The following MAN1C1 variants were observed in gnomAD, a reference collection of about 807,000 sequenced individuals.
MAN1C1 encodes mannosidase alpha class 1C member 1, also known as mannosyl-oligosaccharide 1,2-alpha-mannosidase IC.
Under a neutral mutation model 71.5 loss-of-function variants are expected in MAN1C1, and 49 were observed. The observed-to-expected ratio is 0.69, with a 90% CI of 0.54 to 0.87. MAN1C1 has a LOEUF of 0.87. MAN1C1 is among the 40% of genes least tolerant of loss of function. The probability of loss-of-function intolerance (pLI) is 0.00; values close to 1 mark genes in which losing one functional copy is unlikely to be tolerated. For synonymous variants in MAN1C1, 352 were observed against 343.7 expected (o/e 1.02, Z -0.27); for missense variants, 743 against 835.0 (o/e 0.89, Z 1.36).
intron 7 of MAN1C1, among the ~76,000 whole-genome samples, chr1:25,768,448 C>T (rs1374574141): frequency 2.2e-5 from 3 of 133,862 alleles, no homozygotes; most frequent in East Asian, 2.5e-4. Context: ...CCCTCACACA[C>T]ATCCACACTC....
At chr1:25,661,911 C>G (rs771091154) in intron 1 of MAN1C1, among the ~76,000 whole-genome samples, 1 of 152,178 alleles carries the variant, frequency 6.6e-6, no homozygotes, top group Non-Finnish European at 1.5e-5. Flanking sequence ...GCTCTATAAA[C>G]TGTAAAGCCA....
At chr1:25,756,510 C>A (rs1311640739) in intron 5 of MAN1C1, among the ~76,000 whole-genome samples, 1 of 152,188 alleles carries the variant, frequency 6.6e-6, no homozygotes, top group East Asian at 1.9e-4. Context: ...CTTTTTCCTA[C>A]CTTAAACTTC....
chr1:25,622,375 T>A (rs2045227914), intron 1 of MAN1C1, among the ~76,000 whole-genome samples: 1 of 152,254 alleles, frequency 6.6e-6, no homozygotes, highest in South Asian at 2.1e-4. Context: ...TGTTTGTTTA[T>A]GGATCTGCCC....
chr1:25,630,668 C>G (rs907880564), intron 1 of MAN1C1, among the ~76,000 whole-genome samples: 9 of 152,014 alleles, frequency 5.9e-5, no homozygotes, highest in Non-Finnish European at 1.2e-4. Context: ...ATTTTTGCAG[C>G]TGTTGTAAAA....
At chr1:25,771,428 G>T (rs1004050262) in intron 7 of MAN1C1, among the ~76,000 whole-genome samples, 1 of 152,150 alleles carries the variant, frequency 6.6e-6, no homozygotes, top group Admixed American at 6.5e-5. Context: ...GGATGAGCCC[G>T]TGCACTTTTG....
At chr1:25,718,382 A>T (rs1444072019) in intron 2 of MAN1C1, among the ~76,000 whole-genome samples, 4 of 152,124 alleles carry the variant, frequency 2.6e-5, no homozygotes, top group South Asian at 2.1e-4. Flanking sequence ...TGCCTGCTGC[A>T]CAGCTGCTGT....
At chr1:25,739,833 C>CAA (rs1349061759) in intron 2 of MAN1C1, among the ~76,000 whole-genome samples, 2 of 152,188 alleles carry the variant, frequency 1.3e-5, no homozygotes, top group Non-Finnish European at 2.9e-5. Context: ...GTAGTCACCA[C>CAA]AGACGCCCAT....
chr1:25,691,022 A>G (rs2046301807), intron 2 of MAN1C1, among the ~76,000 whole-genome samples: 1 of 152,210 alleles, frequency 6.6e-6, no homozygotes, highest in Non-Finnish European at 1.5e-5. Context: ...AGCTAGCTAA[A>G]GAACATGGAC....
intron 1 of MAN1C1, chr1:25,645,306 C>G (rs1213978119): frequency 6.6e-6 from 1 of 152,452 alleles, no homozygotes; most frequent in African/African-American, 2.4e-5. Flanking sequence ...TGGCTTCCCA[C>G]TGAGAGTGCA....
intron 2 of MAN1C1, among the ~76,000 whole-genome samples, chr1:25,692,244 A>G (rs1028321009): frequency 2.0e-5 from 3 of 152,216 alleles, no homozygotes; most frequent in Non-Finnish European, 4.4e-5. Context: ...CATCATGGCC[A>G]AGTCACCACT....
At position 25,782,603 on chromosome 1, in the gene MAN1C1, C is replaced by G. The variant is rs760943548; in HGVS notation, c.1669C>G (p.Arg557Gly). 2 of 1,613,750 alleles carry G rather than the reference C, an allele frequency of 1.2e-6. No individual in the cohort carries two copies. The highest frequency in any genetic ancestry group is 1.7e-6 in the Non-Finnish European group (2 of 1,179,804). The change falls in exon 11 of 12, where the codon CGG becomes GGG. Residue 557 changes from arginine (R) to glycine (G), a missense_variant. Transcript: ENST00000374332. The surrounding 1 kb of genome is among the most constrained non-coding windows in gnomAD (Gnocchi z 4.4). ...TCCTCAGGCCTTGGAGAAATACTGT[C>G]GGACAGAAGCCGGTTTCTCTGGGAT... ...EVVLALEKYC[R>G]TEAGFSGIQD...
intron 2 of MAN1C1, among the ~76,000 whole-genome samples, chr1:25,721,708 C>G (rs1192090338): frequency 2.0e-5 from 3 of 152,214 alleles, no homozygotes; most frequent in Admixed American, 6.5e-5. Flanking sequence ...GTGTCATCTG[C>G]AAACAGATCG....
At chr1:25,715,872 C>A (rs912476958) in intron 2 of MAN1C1, among the ~76,000 whole-genome samples, 1 of 152,160 alleles carries the variant, frequency 6.6e-6, no homozygotes, top group Non-Finnish European at 1.5e-5. Context: ...TAGTTTATTT[C>A]TTTTTCATTT....
At chr1:25,737,405 C>CT (rs370984048) in intron 2 of MAN1C1, among the ~76,000 whole-genome samples, 6 of 152,224 alleles carry the variant, frequency 3.9e-5, no homozygotes, top group African/African-American at 1.4e-4. Context: ...ATTTCGCCCC[C>CT]CCGACAGGGA....
At chr1:25,674,414 A>AT (rs2046035689) in intron 1 of MAN1C1, among the ~76,000 whole-genome samples, 1 of 152,240 alleles carries the variant, frequency 6.6e-6, no homozygotes, top group African/African-American at 2.4e-5. Flanking sequence ...GGGAGCAGTA[A>AT]TGAGCAATGG....
intron 2 of MAN1C1, among the ~76,000 whole-genome samples, chr1:25,704,399 C>G (rs905575991): frequency 6.6e-6 from 1 of 152,226 alleles, no homozygotes; most frequent in Admixed American, 6.5e-5. Flanking sequence ...ATATCCTATC[C>G]TTAGACCCAA....
chr1:25,734,034 C>T lies in MAN1C1; in HGVS notation c.638-12634C>T, dbSNP rs1313324594. Among the ~76,000 whole-genome samples the T allele has an allele frequency of 2.0e-5, 3 of 152,218 alleles. No individual in the cohort carries two copies. The South Asian group carries it at 6.2e-4, about 32-fold the overall frequency. On this transcript the variant is annotated intron_variant, in intron 2 of 11. Transcript: ENST00000374332. Reference sequence around the variant, plus strand: ...CAGGATGGTCTTGATCTCCTGACCTCGTGATCCGCCCACCTCGGCCTCCCA... The same window carrying T: ...CAGGATGGTCTTGATCTCCTGACCTTGTGATCCGCCCACCTCGGCCTCCCA...
At chr1:25,693,911 GT>G in intron 2 of MAN1C1, among the ~76,000 whole-genome samples, 1 of 152,212 alleles carries the variant, frequency 6.6e-6, no homozygotes, top group East Asian at 1.9e-4. Context: ...ATTAAAGAAA[GT>G]TGATGGGTGT....
intron 2 of MAN1C1, among the ~76,000 whole-genome samples, chr1:25,687,514 G>A (rs1460623684): frequency 6.6e-6 from 1 of 152,212 alleles, no homozygotes; most frequent in Non-Finnish European, 1.5e-5. Context: ...ACAGATACAG[G>A]CTCCTGAAGT....
Sources: gnomAD v4.1 joint callset for allele counts (sites outside exome capture counted in the v4.1 genomes callset) on GRCh38, gnomAD v4.1.1 for gene constraint, Gnocchi (gnomAD v3.1) non-coding constraint, MANE v1.5 for transcripts, NCBI Gene and HGNC (gene_info 2026-07-23, HGNC 2026-07-21) for gene names.